The following PARD3 variants were observed in gnomAD, a reference collection of about 807,000 sequenced individuals.
PARD3 encodes the protein partitioning defective 3 homolog.
A neutral mutation model predicts 155.4 loss-of-function variants in PARD3; 75 were observed. That is an observed-to-expected ratio of 0.48 (90% CI 0.40 to 0.58). PARD3 has a LOEUF of 0.58. Ranked by LOEUF, PARD3 falls within the 20% of genes least tolerant of loss-of-function variation. The pLI, the probability that PARD3 is intolerant of heterozygous loss-of-function variation, is 0.00. For synonymous variants in PARD3, 576 were observed against 610.5 expected, an observed-to-expected ratio of 0.94 and a Z score of 0.83; for missense variants, 1,642 against 1,721.7, an observed-to-expected ratio of 0.95 and a Z score of 0.82.
At chr10:34,305,527 G>A (rs779804730) in intron 20 of PARD3, among the ~76,000 whole-genome samples, 12 of 152,340 alleles carry the variant, frequency 7.9e-5, no homozygotes, top group Non-Finnish European at 1.2e-4. Flanking sequence ...GTTTTCAGGC[G>A]TAGGCAGACA....
At chr10:34,359,853 T>G (rs553628718) in intron 13 of PARD3, among the ~76,000 whole-genome samples, 1 of 152,196 alleles carries the variant, frequency 6.6e-6, no homozygotes, top group Admixed American at 6.5e-5. Context: ...AGCATGTCAA[T>G]GGGTTGTATG....
rs61218571 is a variant in PARD3 at position 34,467,329 on chromosome 10, TTGTGTGTGTGTGTGTGTGTGTG to T, written c.582+2734_582+2755del. Among the ~76,000 whole-genome samples the T allele has an allele frequency of 3.4e-5, 5 of 146,986 alleles. No individual in the cohort carries two copies. In the South Asian group the frequency reaches 8.8e-4, roughly 26 times the overall value. On this transcript the variant is annotated intron_variant, in intron 4 of 24. Coordinates refer to ENST00000374788, the MANE Select transcript of PARD3 (RefSeq NM_001184785.2). ...TATATGAACATAGCATGACTCCAAC[TTGTGTGTGTGTGTGTGTGTGTG>T]TGTGTGTGTGTAAATACTGGTTGTT...
chr10:34,139,096 C>T (rs915286643), intron 22 of PARD3, among the ~76,000 whole-genome samples: 5 of 152,132 alleles, frequency 3.3e-5, no homozygotes, highest in African/African-American at 1.2e-4. Flanking sequence ...TTAAGAAAAT[C>T]TTTTCTCTTT....
At chr10:34,231,931 C>T (rs1181389912) in intron 22 of PARD3, among the ~76,000 whole-genome samples, 1 of 152,032 alleles carries the variant, frequency 6.6e-6, no homozygotes. Context: ...AAGAAATAGG[C>T]TTTCTGTTCT....
At chr10:34,185,811 CTATATTATATTATATTATAT>C (rs200395816) in intron 22 of PARD3, among the ~76,000 whole-genome samples, 26 of 143,742 alleles carry the variant, frequency 1.8e-4, no homozygotes, top group African/African-American at 4.0e-4. Context: ...GTAACATCTT[CTATATTATATTATATTATAT>C]TATATTATAT....
intron 3 of PARD3, among the ~76,000 whole-genome samples, chr10:34,490,792 C>T (rs112364602): frequency 0.011 from 1,673 of 152,266 alleles, 31 homozygotes; most frequent in African/African-American, 0.038. Context: ...TGTTTGTATA[C>T]TCTTTGAGTT....
chr10:34,641,208 G>C (rs894893997), intron 2 of PARD3, among the ~76,000 whole-genome samples: 1 of 152,166 alleles, frequency 6.6e-6, no homozygotes, highest in African/African-American at 2.4e-5. Context: ...ATAATTAAAA[G>C]AACTCCGATA....
chr10:34,119,568 TA>T, intron 24 of PARD3, 44 bp downstream of exon 24: 1 of 1,541,650 alleles, frequency 6.5e-7, no homozygotes. Context: ...CGGGGGATCT[TA>T]AAGGGCCGGG....
At chr10:34,768,017 A>C (rs1838331702) in intron 1 of PARD3, among the ~76,000 whole-genome samples, 1 of 152,166 alleles carries the variant, frequency 6.6e-6, no homozygotes, top group South Asian at 2.1e-4. Context: ...TTTCAAAAAC[A>C]TATGTGCAAT....
chr10:34,726,698 G>A (rs538593930), intron 1 of PARD3, among the ~76,000 whole-genome samples: 2 of 152,064 alleles, frequency 1.3e-5, no homozygotes, highest in African/African-American at 2.4e-5. Flanking sequence ...AGGAGGTGGA[G>A]GCTACAGTGA....
chr10:34,160,659 T>G (rs925587060), intron 22 of PARD3, among the ~76,000 whole-genome samples: 6 of 152,238 alleles, frequency 3.9e-5, no homozygotes, highest in Non-Finnish European at 7.3e-5. Context: ...TTTTTTGTTG[T>G]TGGTGGTGCT....
chr10:34,814,171 C>A (rs1453097338), intron 1 of PARD3, among the ~76,000 whole-genome samples: 4 of 152,314 alleles, frequency 2.6e-5, no homozygotes, highest in African/African-American at 9.6e-5. Flanking sequence ...CAGAGCCCAG[C>A]AAGTGGGATC....
chr10:34,808,581 C>T (rs1305100395), intron 1 of PARD3, among the ~76,000 whole-genome samples: 1 of 152,012 alleles, frequency 6.6e-6, no homozygotes, highest in East Asian at 1.9e-4. Context: ...CCATCTCCCC[C>T]GATGGAAAAT....
At chr10:34,134,036 C>T (rs983664030) in intron 22 of PARD3, among the ~76,000 whole-genome samples, 40 of 152,198 alleles carry the variant, frequency 2.6e-4, no homozygotes, top group African/African-American at 9.2e-4. Flanking sequence ...GGCTGCTTGA[C>T]GACACAAGGC....
chr10:34,764,152 C>T (rs1406023278), intron 1 of PARD3, among the ~76,000 whole-genome samples: 3 of 152,180 alleles, frequency 2.0e-5, no homozygotes, highest in African/African-American at 7.2e-5. Flanking sequence ...ATTATTGCAG[C>T]TTTATGATTC....
intron 2 of PARD3, among the ~76,000 whole-genome samples, chr10:34,591,297 T>G (rs559547072): frequency 9.9e-5 from 15 of 152,264 alleles, no homozygotes; most frequent in Middle Eastern, 3.4e-3. Context: ...TCTCAGTAAG[T>G]GTTTATAATT....
At chr10:34,630,403 G>A (rs1590310200) in intron 2 of PARD3, among the ~76,000 whole-genome samples, 1 of 150,762 alleles carries the variant, frequency 6.6e-6, no homozygotes, top group Non-Finnish European at 1.5e-5. Context: ...CACAAGTCCC[G>A]ACCAGAGCAT....
At chr10:34,272,872 G>A (rs565823785) in intron 21 of PARD3, among the ~76,000 whole-genome samples, 7 of 152,254 alleles carry the variant, frequency 4.6e-5, no homozygotes, top group Non-Finnish European at 7.4e-5. Flanking sequence ...GTGAAAAGAC[G>A]TTCGCCACCA....
At chr10:34,225,583 T>G (rs1952555277) in intron 22 of PARD3, among the ~76,000 whole-genome samples, 1 of 152,126 alleles carries the variant, frequency 6.6e-6, no homozygotes, top group African/African-American at 2.4e-5. Flanking sequence ...TGACCTCAGG[T>G]GATCAACCCA....
Sources: allele counts gnomAD v4.1 joint callset (sites outside exome capture counted in the v4.1 genomes callset), GRCh38; gene constraint gnomAD v4.1.1; transcripts MANE v1.5; gene names NCBI Gene and HGNC (gene_info 2026-07-23, HGNC 2026-07-21).